Variants in CORO2B observed in about 807,000 individuals in gnomAD.
CORO2B encodes coronin 2B, also known as coronin-2B.
A neutral mutation model predicts 58.8 loss-of-function variants in CORO2B; 26 were observed. The observed-to-expected ratio is 0.44, with a 90% CI of 0.32 to 0.61. The LOEUF (loss-of-function observed/expected upper bound fraction) is 0.61, where lower values mean the gene tolerates loss of function less well. Among genes scored for constraint, CORO2B ranks in the 20% least tolerant of loss-of-function variants. The probability of loss-of-function intolerance (pLI) is 0.04; values close to 1 mark genes in which losing one functional copy is unlikely to be tolerated. For missense variants in CORO2B, 460 were observed against 645.1 expected, an observed-to-expected ratio of 0.71 and a Z score of 3.11; for synonymous variants, 242 against 253.8, an observed-to-expected ratio of 0.95 and a Z score of 0.44.
intron 3 of CORO2B, among the ~76,000 whole-genome samples, chr15:68,707,174 G>C (rs906271653): frequency 1.3e-5 from 2 of 152,110 alleles, no homozygotes; most frequent in Non-Finnish European, 2.9e-5. Context: ...GAGCTACCAC[G>C]CCTGTCCTCG....
chr15:68,700,969 G>C (rs1892628483), intron 3 of CORO2B, among the ~76,000 whole-genome samples: 1 of 152,174 alleles, frequency 6.6e-6, no homozygotes, highest in Admixed American at 6.5e-5. Flanking sequence ...TCCTCACCCT[G>C]TAGATGATGC....
intron 2 of CORO2B, among the ~76,000 whole-genome samples, chr15:68,678,937 G>A (rs1249049361): frequency 6.6e-6 from 1 of 152,272 alleles, no homozygotes; most frequent in Non-Finnish European, 1.5e-5. Flanking sequence ...TACTCAGGGT[G>A]TGTTCCCCTC....
intron 1 of CORO2B, among the ~76,000 whole-genome samples, chr15:68,599,131 C>T (rs946351375): frequency 2.6e-5 from 4 of 152,228 alleles, no homozygotes; most frequent in Non-Finnish European, 5.9e-5. Flanking sequence ...TGCCCCCAAA[C>T]TCAACCTCTG....
intron 9 of CORO2B, 115 bp downstream of exon 9, chr15:68,718,925 C>A: frequency 1.0e-6 from 1 of 956,598 alleles, no homozygotes; most frequent in Non-Finnish European, 1.6e-6. Flanking sequence ...GAACTGGGGT[C>A]TTCAAACCTA....
At chr15:68,527,200 A>G in the CORO2B span, among the ~76,000 whole-genome samples, 1 of 152,228 alleles carries the variant, frequency 6.6e-6, no homozygotes, top group African/African-American at 2.4e-5. Flanking sequence ...ACAAATTAAT[A>G]GAAAAACCAA....
chr15:68,686,629 T>C (rs553672410), intron 2 of CORO2B, among the ~76,000 whole-genome samples: 7 of 152,182 alleles, frequency 4.6e-5, no homozygotes, highest in African/African-American at 9.7e-5. Context: ...CCAGGTACAG[T>C]GGCTCACGCC....
At chr15:68,601,573 C>T (rs772475929) in intron 1 of CORO2B, among the ~76,000 whole-genome samples, 4 of 152,116 alleles carry the variant, frequency 2.6e-5, no homozygotes, top group South Asian at 2.1e-4. Context: ...CACACAGTGT[C>T]GGGGCATCAG....
At chr15:68,687,505 G>A (rs530970490) in intron 2 of CORO2B, among the ~76,000 whole-genome samples, 2 of 152,314 alleles carry the variant, frequency 1.3e-5, no homozygotes, top group South Asian at 2.1e-4. Context: ...AGCCACACCC[G>A]TGGACTCACC....
the CORO2B span, among the ~76,000 whole-genome samples, chr15:68,532,096 A>C: frequency 6.6e-6 from 1 of 151,998 alleles, no homozygotes; most frequent in East Asian, 1.9e-4. Context: ...AAGTTTCATT[A>C]CTAATTTTCA....
At chr15:68,625,373 T>C (rs1181189498) in intron 1 of CORO2B, among the ~76,000 whole-genome samples, 1 of 152,056 alleles carries the variant, frequency 6.6e-6, no homozygotes, top group Non-Finnish European at 1.5e-5. Context: ...CAAACAATCG[T>C]GTAACCACCA....
At chr15:68,548,102 C>T in the CORO2B span, among the ~76,000 whole-genome samples, 19 of 151,958 alleles carry the variant, frequency 1.3e-4, no homozygotes, top group African/African-American at 4.6e-4. Context: ...ACCTAGGAGG[C>T]GGAGGCTGCA....
chr15:68,626,754 T>G (rs751884740), intron 1 of CORO2B, among the ~76,000 whole-genome samples: 7 of 152,116 alleles, frequency 4.6e-5, no homozygotes, highest in African/African-American at 1.7e-4. Flanking sequence ...TCAGTACTTA[T>G]GAAAAAACGT....
chr15:68,548,610 T>C, the CORO2B span, among the ~76,000 whole-genome samples: 1 of 152,238 alleles, frequency 6.6e-6, no homozygotes, highest in East Asian at 1.9e-4. Context: ...AAAACTGCTA[T>C]GTGCAGTTTC....
chr15:68,715,188 C>T, intron 7 of CORO2B, 27 bp from the exon 8 acceptor site: 3 of 1,605,464 alleles, frequency 1.9e-6, no homozygotes, highest in Non-Finnish European at 2.6e-6. Context: ...CTGCCACCTT[C>T]CTCAACTCCA....
At chr15:68,617,383 C>T (rs1344863915) in intron 1 of CORO2B, among the ~76,000 whole-genome samples, 1 of 152,228 alleles carries the variant, frequency 6.6e-6, no homozygotes, top group African/African-American at 2.4e-5. Context: ...CCTTTGTCCT[C>T]CCTTCACTGG....
In CORO2B at chr15:68,726,962, C is replaced by T. The variant is rs1398937158; in HGVS notation, c.*988C>T. The T allele has an allele frequency of 6.6e-6, 1 of 152,390 alleles. No individual in the cohort carries two copies. 9.4% of individuals were successfully genotyped at this position (152,390 alleles called of 1,614,324 possible). Reference sequence around the variant, plus strand: ...TTGAGGCCCCTCACGCTCTGTGCCCCTAGATCCTTCAGGTCCCCACCCTCA... The same window carrying T: ...TTGAGGCCCCTCACGCTCTGTGCCCTTAGATCCTTCAGGTCCCCACCCTCA... On this transcript the variant is annotated 3_prime_UTR_variant, in exon 12 of 12. Coordinates refer to ENST00000261861, the MANE Select transcript of CORO2B (RefSeq NM_006091.5).
chr15:68,579,403 C>T lies in CORO2B; in HGVS notation c.15+126C>T. 3.1e-6 allele frequency: 3 copies of T among 968,884 alleles called. 1 individual carries two copies. In the East Asian group the frequency reaches 1.3e-4, roughly 42 times the overall value. 60.0% of individuals were successfully genotyped at this position (968,884 alleles called of 1,614,324 possible). A position where few individuals can be genotyped will look rare whatever the true frequency, so the allele number is the denominator to read the frequency against. On this transcript the variant is annotated intron_variant, in intron 1 of 11. Transcript: ENST00000261861. ...CGGTGCCGGGAAGGTGCGGCGCGCG[C>T]CTCTCTTGCTGCCGGATCCGCTCGA...
At chr15:68,677,333 C>CG (rs1902621314) in intron 2 of CORO2B, among the ~76,000 whole-genome samples, 2 of 152,194 alleles carry the variant, frequency 1.3e-5, no homozygotes, top group Admixed American at 6.5e-5. Context: ...AAGGTCACCC[C>CG]GCACAAAGCC....
the CORO2B span, among the ~76,000 whole-genome samples, chr15:68,537,345 C>T: frequency 6.6e-6 from 1 of 152,136 alleles, no homozygotes; most frequent in Non-Finnish European, 1.5e-5. Context: ...GAGGAGAGGC[C>T]ATTATTCTCC....
Sources: allele counts gnomAD v4.1 joint callset (sites outside exome capture counted in the v4.1 genomes callset), GRCh38; gene constraint gnomAD v4.1.1; transcripts MANE v1.5; gene names NCBI Gene and HGNC (gene_info 2026-07-23, HGNC 2026-07-21).